Variants in ZSCAN25 observed in about 807,000 individuals in gnomAD.
ZSCAN25 encodes the protein zinc finger and SCAN domain containing 25.
In ZSCAN25, 27 loss-of-function variants were observed where a neutral mutation model predicts 38.7. That is an observed-to-expected ratio of 0.70 (90% CI 0.51 to 0.96). The LOEUF (loss-of-function observed/expected upper bound fraction) is 0.96, where lower values mean the gene tolerates loss of function less well. ZSCAN25 is among the 40% of genes least tolerant of loss of function. ZSCAN25 has a pLI of 0.00. For synonymous variants in ZSCAN25, 273 were observed against 277.7 expected (o/e 0.98, Z 0.17); for missense variants, 637 against 705.9 (o/e 0.90, Z 1.11).
intron 7 of ZSCAN25, among the ~76,000 whole-genome samples, chr7:99,625,199 T>C (rs1304564908): frequency 1.3e-5 from 2 of 152,138 alleles, no homozygotes; most frequent in African/African-American, 4.8e-5. Context: ...TCATGGAACC[T>C]GTCCTCATGG....
the ZSCAN25 span, chr7:99,684,900 C>CA: frequency 3.2e-6 from 1 of 315,620 alleles, no homozygotes; most frequent in Non-Finnish European, 5.8e-6. Flanking sequence ...CTGTGAGAAA[C>CA]AAAGAAGCCA....
rs1189999356 is a variant in ZSCAN25 at position 99,630,445 on chromosome 7, A to G, written c.*425A>G. ...CACCCCCTCTCTTTTCCATTGAACA[A>G]ACATTTATTGAACATCCTCTGAGCA... On this transcript the variant is annotated 3_prime_UTR_variant, in exon 8 of 8. Transcript: ENST00000394152. 4 of 1,005,016 alleles carry G rather than the reference A, an allele frequency of 4.0e-6. No homozygotes were observed. The African/African-American group carries it at 6.9e-5, about 17-fold the overall frequency. 62.3% of individuals were successfully genotyped at this position (1,005,016 alleles called of 1,614,324 possible). A position where few individuals can be genotyped will look rare whatever the true frequency, so the allele number is the denominator to read the frequency against.
rs1172936363 is a variant in ZSCAN25, at chr7:99,619,891, C to T, written c.285C>T (p.Pro95=). The stretch of plus-strand genomic sequence containing the variant: ...TGGAGCAGTTCCTCACTATCCTGCC[C>T]CGCGAGTTCTACGCCTGGATCCGGG... ...LVLEQFLTIL[P]REFYAWIREH... is the part of the protein sequence containing the mutation. Residue 95 remains proline, a synonymous_variant, in exon 4 of 8, where the codon CCC becomes CCT. Coordinates refer to ENST00000394152, the MANE Select transcript of ZSCAN25 (RefSeq NM_145115.3). 1.4e-5 allele frequency: 22 copies of T among 1,614,226 alleles called. No homozygotes were observed. The highest frequency in any genetic ancestry group is 1.8e-5 in the Non-Finnish European group (21 of 1,180,054).
chr7:99,731,075 G>C, the ZSCAN25 span: 1 of 1,613,692 alleles, frequency 6.2e-7, no homozygotes, highest in African/African-American at 1.3e-5. Flanking sequence ...GAAGGACAAA[G>C]CATTTCCCAA....
At chr7:99,648,507 A>C in the ZSCAN25 span, 2 of 667,014 alleles carry the variant, frequency 3.0e-6, no homozygotes, top group Non-Finnish European at 4.9e-6. Context: ...AAGCATATAA[A>C]AACGACTCTT....
chr7:99,714,064 G>T, the ZSCAN25 span, among the ~76,000 whole-genome samples: 2 of 152,156 alleles, frequency 1.3e-5, no homozygotes, highest in Non-Finnish European at 2.9e-5. Context: ...GAAGACCTCT[G>T]TTCACTCGAG....
the ZSCAN25 span, chr7:99,685,087 G>A: frequency 2.6e-5 from 34 of 1,289,096 alleles, no homozygotes; most frequent in Middle Eastern, 1.9e-4. Flanking sequence ...GAGGTCTCTG[G>A]TGTTCTAGGT....
At chr7:99,666,600 C>G in the ZSCAN25 span, 1 of 1,613,596 alleles carries the variant, frequency 6.2e-7, no homozygotes, top group Non-Finnish European at 8.5e-7. Flanking sequence ...CTCCTACTTA[C>G]TCTTTCAAGG....
At chr7:99,671,778 A>C in the ZSCAN25 span, 2,162 of 702,444 alleles carry the variant, frequency 3.1e-3, 37 homozygotes, top group African/African-American at 0.034. Context: ...AACCTGTCAG[A>C]GAAAAAGACA....
chr7:99,619,961 G>A lies in ZSCAN25; in HGVS notation c.355G>A (p.Asp119Asn). The A allele has an allele frequency of 6.2e-7, 1 of 1,613,954 alleles. No individual in the cohort carries two copies. The highest frequency in any genetic ancestry group is 8.5e-7 in the Non-Finnish European group (1 of 1,180,026). ...CAAGGCCCTGGCCGCCATGGTGGAG[G>A]ACCTGACAGAAAGAGCACTGGAGGC... ...SGKALAAMVE[D>N]LTERALEAKA... Residue 119 changes from aspartate to asparagine, a missense_variant, in exon 4 of 8, where the codon GAC (aspartate) becomes AAC (asparagine). Asp to Asn is a conservative substitution (Grantham distance 23). Transcript: ENST00000394152.
chr7:99,660,895 A>T, the ZSCAN25 span, among the ~76,000 whole-genome samples: 3 of 152,188 alleles, frequency 2.0e-5, no homozygotes, highest in Non-Finnish European at 4.4e-5. Context: ...CACACTCCTC[A>T]TCATGGCATC....
the ZSCAN25 span, among the ~76,000 whole-genome samples, chr7:99,712,120 T>C: frequency 6.6e-6 from 1 of 152,176 alleles, no homozygotes; most frequent in African/African-American, 2.4e-5. Flanking sequence ...GGATGGCCCA[T>C]CACTGGTCTG....
At chr7:99,688,119 A>G in the ZSCAN25 span, among the ~76,000 whole-genome samples, 1 of 152,200 alleles carries the variant, frequency 6.6e-6, no homozygotes, top group South Asian at 2.1e-4. Context: ...TCAACTAACG[A>G]GCAAAATAAC....
At chr7:99,666,479 G>T in the ZSCAN25 span, 1 of 1,078,944 alleles carries the variant, frequency 9.3e-7, no homozygotes, top group Non-Finnish European at 1.4e-6. Flanking sequence ...CTTTGGAGTT[G>T]CAGCGCTGCC....
chr7:99,717,851 C>T, the ZSCAN25 span, among the ~76,000 whole-genome samples: 1 of 152,212 alleles, frequency 6.6e-6, no homozygotes, highest in Non-Finnish European at 1.5e-5. Flanking sequence ...TCTCCTTTTA[C>T]ATGCAAATTC....
At chr7:99,703,843 C>A in the ZSCAN25 span, among the ~76,000 whole-genome samples, 1 of 151,896 alleles carries the variant, frequency 6.6e-6, no homozygotes, top group African/African-American at 2.4e-5. Flanking sequence ...TCTCTATGAA[C>A]CCCTTCTCTG....
the ZSCAN25 span, among the ~76,000 whole-genome samples, chr7:99,644,795 T>C: frequency 6.6e-6 from 1 of 152,144 alleles, no homozygotes; most frequent in Admixed American, 6.5e-5. Flanking sequence ...TTCCTTTCCA[T>C]GTATGTAACA....
the ZSCAN25 span, chr7:99,717,488 C>T: frequency 6.2e-7 from 1 of 1,610,952 alleles, no homozygotes; most frequent in East Asian, 2.2e-5. Context: ...CTGATTCATT[C>T]TTTAAGTTTC....
Position 99,630,401 on chromosome 7 carries a change from A to G in ZSCAN25, c.*381A>G, listed in dbSNP as rs1807901871. ...AGGGCTCTGTCTTGCCTGCAGGGTC[A>G]TAGCTCAGACTCTTCCCCCACCCCC... On this transcript the variant is annotated 3_prime_UTR_variant, in exon 8 of 8. Transcript: ENST00000394152. 1.9e-6 allele frequency: 2 copies of G among 1,036,858 alleles called. No individual in the cohort carries two copies. The highest frequency in any genetic ancestry group is 3.4e-5 in the African/African-American group (2 of 58,854). 64.2% of individuals were successfully genotyped at this position (1,036,858 alleles called of 1,614,324 possible).
Sources: gnomAD v4.1 joint callset for allele counts (sites outside exome capture counted in the v4.1 genomes callset) on GRCh38, gnomAD v4.1.1 for gene constraint, MANE v1.5 for transcripts, NCBI Gene and HGNC (gene_info 2026-07-23, HGNC 2026-07-21) for gene names.